TYW1B: variants seen among roughly 807,000 people sequenced by gnomAD.
TYW1B encodes the protein S-adenosyl-L-methionine-dependent tRNA 4-demethylwyosine synthase TYW1B.
TYW1B carries 73 observed loss-of-function variants against 86.9 expected under a neutral mutation model. The ratio of observed to expected loss-of-function variants is 0.84; its 90% CI spans 0.70 to 1.02. The LOEUF (loss-of-function observed/expected upper bound fraction) is 1.02. TYW1B is among the 50% of genes least tolerant of loss of function. TYW1B has a pLI of 0.00. For synonymous variants in TYW1B, 248 were observed against 292.8 expected (o/e 0.85, Z 1.56); for missense variants, 637 against 827.4 (o/e 0.77, Z 2.82).
chr7:72,582,763 C>A (rs1225683700), intron 13 of TYW1B, among the ~76,000 whole-genome samples: 1 of 152,082 alleles, frequency 6.6e-6, no homozygotes, highest in Non-Finnish European at 1.5e-5. Flanking sequence ...TCCAACGCAT[C>A]TGAAAGTCTG....
chr7:72,685,459 A>C (rs781975075), intron 11 of TYW1B, among the ~76,000 whole-genome samples: 1 of 152,340 alleles, frequency 6.6e-6, no homozygotes, highest in Non-Finnish European at 1.5e-5. Flanking sequence ...TTGCAAGAAC[A>C]GACAAATAGA....
chr7:72,744,625 A>C, intron 7 of TYW1B, 24 bp from the exon 8 acceptor site: 1 of 1,612,766 alleles, frequency 6.2e-7, no homozygotes. Context: ...ACAAATCACA[A>C]TTTGAATAAA....
intron 10 of TYW1B, among the ~76,000 whole-genome samples, chr7:72,696,342 T>C (rs1290380055): frequency 3.3e-5 from 5 of 152,270 alleles, no homozygotes; most frequent in South Asian, 2.1e-4. Flanking sequence ...AAAAAACAAA[T>C]TCCCCCTTAA....
At chr7:72,597,278 G>T (rs1226566835) in intron 13 of TYW1B, among the ~76,000 whole-genome samples, 6 of 114,582 alleles carry the variant, frequency 5.2e-5, no homozygotes, top group African/African-American at 3.0e-4. Flanking sequence ...GACAAGAAAA[G>T]TTCTATAGGG....
chr7:72,761,551 A>C (rs1554467176), intron 7 of TYW1B, among the ~76,000 whole-genome samples: 1 of 151,572 alleles, frequency 6.6e-6, no homozygotes, highest in Admixed American at 6.6e-5. Context: ...TGATTGTGCC[A>C]CTGCACTCCA....
intron 11 of TYW1B, among the ~76,000 whole-genome samples, chr7:72,672,885 T>C (rs1203911535): frequency 1.3e-5 from 2 of 152,182 alleles, no homozygotes; most frequent in African/African-American, 4.8e-5. Context: ...GATCCATAAA[T>C]AGGCCGGGCA....
In TYW1B at chr7:72,670,603, T is replaced by C. The variant is rs544912398; in HGVS notation, c.1506+24084A>G. On this transcript the variant is annotated intron_variant, in intron 11 of 13. Transcript: ENST00000620995. Reference sequence around the variant, plus strand: ...TTTGGCCAAGGTTGCATAGCTATTATAGCATGGTGCCCTGGGAGTCAAACA... The same window carrying C: ...TTTGGCCAAGGTTGCATAGCTATTACAGCATGGTGCCCTGGGAGTCAAACA... Among the ~76,000 whole-genome samples, 5 of 152,330 alleles carry C rather than the reference T, an allele frequency of 3.3e-5. 1 individual carries two copies. Among genetic ancestry groups the C allele is most frequent in the Admixed American group, 2.6e-4 (4 of 15,296 alleles).
At chr7:72,657,197 T>A (rs188099063) in intron 11 of TYW1B, among the ~76,000 whole-genome samples, 3 of 152,072 alleles carry the variant, frequency 2.0e-5, no homozygotes, top group African/African-American at 7.2e-5. Context: ...AAGAATTTAA[T>A]GAATGAAATA....
At chr7:72,802,596 C>T (rs1788421473) in intron 5 of TYW1B, 74 bp from the exon 6 acceptor site, 2 of 1,573,334 alleles carry the variant, frequency 1.3e-6, no homozygotes, top group Admixed American at 2.0e-5. Flanking sequence ...CCCTCCCACA[C>T]TGAGAATTCA....
intron 11 of TYW1B, among the ~76,000 whole-genome samples, chr7:72,674,081 A>G (rs1214718613): frequency 2.0e-5 from 3 of 152,116 alleles, no homozygotes; most frequent in African/African-American, 7.2e-5. Flanking sequence ...GACACTGCCT[A>G]GGCTTCATAG....
At chr7:72,638,810 C>CTAGG (rs1554441112) in intron 11 of TYW1B, among the ~76,000 whole-genome samples, 10 of 152,206 alleles carry the variant, frequency 6.6e-5, no homozygotes. Flanking sequence ...GATTGATGCA[C>CTAGG]TAGGGAACAG....
At chr7:72,706,415 G>A (rs1459011339) in intron 10 of TYW1B, among the ~76,000 whole-genome samples, 2 of 105,986 alleles carry the variant, frequency 1.9e-5, no homozygotes, top group East Asian at 2.8e-4. Flanking sequence ...CAACAAGAGC[G>A]AAACTCCTCC....
chr7:72,581,105 C>G (rs1554429558), intron 13 of TYW1B, among the ~76,000 whole-genome samples: 1 of 106,818 alleles, frequency 9.4e-6, no homozygotes, highest in East Asian at 2.5e-4. Flanking sequence ...CGATTAGAAT[C>G]TCAAGTTCCT....
intron 10 of TYW1B, among the ~76,000 whole-genome samples, chr7:72,707,515 C>T (rs1441503364): frequency 6.6e-6 from 1 of 152,210 alleles, no homozygotes; most frequent in Non-Finnish European, 1.5e-5. Context: ...CAAGAAATGG[C>T]TTTTTTCTTG....
intron 7 of TYW1B, among the ~76,000 whole-genome samples, chr7:72,761,321 C>T (rs371430906): frequency 5.3e-5 from 8 of 151,902 alleles, no homozygotes; most frequent in South Asian, 2.1e-4. Flanking sequence ...GTAAAGGTTA[C>T]GAACAGTTAA....
intron 2 of TYW1B, chr7:72,822,924 G>A (rs1410064401): frequency 6.6e-6 from 1 of 152,308 alleles, no homozygotes; most frequent in Non-Finnish European, 1.5e-5. Flanking sequence ...AGCCCAAGAG[G>A]TCGAGGCTGC....
chr7:72,606,198 A>T (rs200676173), intron 13 of TYW1B, among the ~76,000 whole-genome samples: 7 of 120,228 alleles, frequency 5.8e-5, no homozygotes, highest in East Asian at 5.8e-4. Context: ...ACTATTGGAT[A>T]AAAAAAAAAA....
chr7:72,603,092 T>A (rs1162519696), intron 13 of TYW1B, among the ~76,000 whole-genome samples: 1 of 147,000 alleles, frequency 6.8e-6, no homozygotes, highest in Non-Finnish European at 1.5e-5. Context: ...GACAGACAGA[T>A]GATGGATGGA....
rs549684910 is a variant in TYW1B at position 72,785,612 on chromosome 7, A to T, written c.847-8079T>A. ...CACAGAGGGGTAAAATAATTTGTCC[A>T]GATACACAAGCTGAGATGTATGACT... is the stretch of plus-strand genomic sequence containing the variant. On this transcript the variant is annotated intron_variant, in intron 6 of 13. Coordinates refer to ENST00000620995, the MANE Select transcript of TYW1B (RefSeq NM_001145440.3). 2.0e-5 allele frequency among the ~76,000 whole-genome samples: 3 copies of T among 152,222 alleles called. No homozygotes were observed. The South Asian group carries it at 6.2e-4, about 32-fold the overall frequency.
Sources: allele counts gnomAD v4.1 joint callset (sites outside exome capture counted in the v4.1 genomes callset), GRCh38; gene constraint gnomAD v4.1.1; transcripts MANE v1.5; gene names NCBI Gene and HGNC (gene_info 2026-07-23, HGNC 2026-07-21).